ABI1: variants seen among roughly 807,000 people sequenced by gnomAD.
ABI1 encodes abl interactor 1, also known as Abelson interactor 1.
In ABI1, 14 loss-of-function variants were observed where a neutral mutation model predicts 54.6. The ratio of observed to expected loss-of-function variants is 0.26; its 90% CI spans 0.17 to 0.40. The LOEUF (loss-of-function observed/expected upper bound fraction) is 0.40, where lower values mean the gene tolerates loss of function less well. Among genes scored for constraint, ABI1 ranks in the 10% least tolerant of loss-of-function variants. ABI1 has a pLI of 1.00. For synonymous variants in ABI1, 194 were observed against 209.3 expected (o/e 0.93, Z 0.63); for missense variants, 443 against 598.3 (o/e 0.74, Z 2.71).
intron 1 of ABI1, among the ~76,000 whole-genome samples, chr10:26,843,785 C>T (rs977302779): frequency 1.3e-5 from 2 of 151,398 alleles, no homozygotes; most frequent in Admixed American, 6.6e-5. Context: ...AAAAAAATAG[C>T]TCTATATACC....
intron 1 of ABI1, among the ~76,000 whole-genome samples, chr10:26,828,313 AT>A (rs2133871434): frequency 6.6e-6 from 1 of 152,338 alleles, no homozygotes; most frequent in South Asian, 2.1e-4. Context: ...GAATATCACC[AT>A]AACAGATACA....
intron 10 of ABI1, among the ~76,000 whole-genome samples, chr10:26,749,917 A>T (rs1207319747): frequency 6.6e-6 from 1 of 152,228 alleles, no homozygotes; most frequent in Non-Finnish European, 1.5e-5. Flanking sequence ...GCTTTATACC[A>T]AACAAAGTGT....
At chr10:26,855,528 C>T (rs2050731316) in intron 1 of ABI1, among the ~76,000 whole-genome samples, 1 of 152,088 alleles carries the variant, frequency 6.6e-6, no homozygotes, top group Non-Finnish European at 1.5e-5. Context: ...TCTGTCGTGG[C>T]GAGTTTGTAA....
intron 1 of ABI1, among the ~76,000 whole-genome samples, chr10:26,855,823 T>C (rs1321946427): frequency 6.6e-6 from 1 of 151,156 alleles, no homozygotes; most frequent in Non-Finnish European, 1.5e-5. Context: ...ATACAAAAAT[T>C]AGCCAGGCAT....
chr10:26,755,589 C>T (rs1323955133), intron 9 of ABI1, 66 bp downstream of exon 9: 3 of 1,255,242 alleles, frequency 2.4e-6, no homozygotes, highest in Non-Finnish European at 2.3e-6. Context: ...GATGACTCAT[C>T]GTCAGCCATG....
chr10:26,808,466 G>C (rs2047012032), intron 2 of ABI1, among the ~76,000 whole-genome samples: 1 of 151,906 alleles, frequency 6.6e-6, no homozygotes, highest in Non-Finnish European at 1.5e-5. Flanking sequence ...AACATAACTG[G>C]GTCCCAGCAC....
At chr10:26,763,799 C>T in intron 7 of ABI1, 1 of 1,267,434 alleles carries the variant, frequency 7.9e-7, no homozygotes, top group Non-Finnish European at 1.1e-6. Context: ...ACTATAAAAG[C>T]CAGCACTCTA....
intron 1 of ABI1, among the ~76,000 whole-genome samples, chr10:26,824,559 AG>A (rs1235281071): frequency 1.3e-5 from 2 of 152,222 alleles, no homozygotes; most frequent in African/African-American, 4.8e-5. Context: ...AAGGAATTCA[AG>A]GAATTTCTCT....
intron 3 of ABI1, 197 bp downstream of exon 3, chr10:26,776,868 A>G (rs537020027): frequency 2.7e-4 from 120 of 442,384 alleles, no homozygotes; most frequent in Admixed American, 1.1e-3. Flanking sequence ...TCTAATTTTA[A>G]TATCTTTTTA....
chr10:26,762,747 A>G (rs1048725725), intron 7 of ABI1, among the ~76,000 whole-genome samples: 1 of 152,204 alleles, frequency 6.6e-6, no homozygotes, highest in African/African-American at 2.4e-5. Flanking sequence ...GACCTCAAAA[A>G]CTTCATGAAA....
intron 1 of ABI1, among the ~76,000 whole-genome samples, chr10:26,857,067 C>A (rs1589104719): frequency 6.6e-6 from 1 of 152,124 alleles, no homozygotes; most frequent in South Asian, 2.1e-4. Context: ...CACCTATAAT[C>A]CCAACACTTT....
chr10:26,842,518 C>G (rs1189196524), intron 1 of ABI1, among the ~76,000 whole-genome samples: 2 of 152,166 alleles, frequency 1.3e-5, no homozygotes, highest in Non-Finnish European at 2.9e-5. Context: ...CCAGCACTAT[C>G]TGGTGAGCTT....
In ABI1 at chr10:26,760,082, T is replaced by TA. The variant is rs200610491; in HGVS notation, c.821-845dup. ...ATAGTACATCCAAAGAATCTGCTTTTAAAAAAAAAAAAAAAATTAGCATGC... is the reference window on the plus strand; with the variant it reads ...ATAGTACATCCAAAGAATCTGCTTTTAAAAAAAAAAAAAAAAATTAGCATGC... On this transcript the variant is annotated intron_variant, in intron 7 of 10. Transcript: ENST00000376140. Among the ~76,000 whole-genome samples the TA allele has an allele frequency of 2.3e-3, 331 of 141,828 alleles. 1 individual carries two copies. Among genetic ancestry groups the TA allele is most frequent in the Admixed American group, 8.1e-3 (116 of 14,290 alleles). The allele number at this position is 141,828 out of a possible 152,430, so 93.0% of individuals were successfully genotyped here.
intron 2 of ABI1, among the ~76,000 whole-genome samples, chr10:26,792,682 T>A (rs979479366): frequency 6.6e-6 from 1 of 152,172 alleles, no homozygotes; most frequent in Non-Finnish European, 1.5e-5. Flanking sequence ...GGTAAACAAA[T>A]GTTCTAAAGG....
In ABI1 at chr10:26,857,320, C is replaced by CA. The variant is rs71403897; in HGVS notation, c.117+3426dup. On this transcript the variant is annotated intron_variant, in intron 1 of 10. Coordinates refer to ENST00000376140, the MANE Select transcript of ABI1 (RefSeq NM_001012750.3). Reference sequence around the variant, plus strand: ...CAGGCAATAGAGCGAGACTCCATCTCAAAAAAAAAAAAAAAAAAAAAAAAA... The same window carrying CA: ...CAGGCAATAGAGCGAGACTCCATCTCAAAAAAAAAAAAAAAAAAAAAAAAAA... 4.9e-3 allele frequency among the ~76,000 whole-genome samples: 373 copies of CA among 75,896 alleles called. 42 individuals are homozygous for CA. Among genetic ancestry groups the CA allele is most frequent in the African/African-American group, 8.9e-3 (221 of 24,860 alleles). The allele number at this position is 75,896 out of a possible 152,430, so 49.8% of individuals were successfully genotyped here. A position where few individuals can be genotyped will look rare whatever the true frequency, so the allele number is the denominator to read the frequency against.
intron 1 of ABI1, among the ~76,000 whole-genome samples, chr10:26,857,320 CAAAAAA>C (rs71403897): frequency 2.6e-5 from 2 of 75,902 alleles, no homozygotes; most frequent in Non-Finnish European, 6.2e-5. Context: ...GACTCCATCT[CAAAAAA>C]AAAAAAAAAA....
chr10:26,758,614 C>T (rs1838682928), intron 8 of ABI1, among the ~76,000 whole-genome samples: 1 of 152,152 alleles, frequency 6.6e-6, no homozygotes, highest in South Asian at 2.1e-4. Flanking sequence ...CATTTCTGAA[C>T]ACGTTAATGA....
Position 26,748,533 on chromosome 10 carries a change from T to A in ABI1, c.*37A>T. ...AACCATAATAGTCCCACAGTATGACTGAGTAATAAGAATCTACTTCAAAAG... is the reference window on the plus strand; with the variant it reads ...AACCATAATAGTCCCACAGTATGACAGAGTAATAAGAATCTACTTCAAAAG... On this transcript the variant is annotated 3_prime_UTR_variant, in exon 11 of 11. Transcript: ENST00000376140. 1 of 1,488,070 alleles carries A rather than the reference T, an allele frequency of 6.7e-7. No individual in the cohort carries two copies. The highest frequency in any genetic ancestry group is 9.2e-7 in the Non-Finnish European group (1 of 1,087,852). The allele number at this position is 1,488,070 out of a possible 1,614,324, so 92.2% of individuals were successfully genotyped here. A position where few individuals can be genotyped will look rare whatever the true frequency, so the allele number is the denominator to read the frequency against.
intron 2 of ABI1, among the ~76,000 whole-genome samples, chr10:26,803,850 A>G (rs1287185123): frequency 6.6e-6 from 1 of 152,206 alleles, no homozygotes; most frequent in Non-Finnish European, 1.5e-5. Flanking sequence ...TACAAAACAG[A>G]TAAGGTTCCT....
Sources: gnomAD v4.1 joint callset for allele counts (sites outside exome capture counted in the v4.1 genomes callset) on GRCh38, gnomAD v4.1.1 for gene constraint, MANE v1.5 for transcripts, NCBI Gene and HGNC (gene_info 2026-07-23, HGNC 2026-07-21) for gene names.